LRMDA: variants seen among roughly 807,000 people sequenced by gnomAD.
The protein encoded by LRMDA is leucine rich melanocyte differentiation associated, also known as leucine-rich melanocyte differentiation-associated protein.
In LRMDA, 18 loss-of-function variants were observed where a neutral mutation model predicts 29.8. The observed-to-expected ratio is 0.60, with a 90% confidence interval of 0.42 to 0.90. The LOEUF is 0.90. Among genes scored for constraint, LRMDA ranks in the 40% least tolerant of loss-of-function variants. The pLI is 0.00. For synonymous variants in LRMDA, 125 were observed against 109.4 expected (o/e 1.14, Z -0.89); for missense variants, 273 against 273.9 (o/e 1.00, Z 0.02).
chr10:76,529,906 T>G (rs536572014), intron 6 of LRMDA, among the ~76,000 whole-genome samples: 1 of 152,228 alleles, frequency 6.6e-6, no homozygotes, highest in Non-Finnish European at 1.5e-5. Flanking sequence ...CTTGGGCCAA[T>G]AGGTTTGACT....
intron 2 of LRMDA, among the ~76,000 whole-genome samples, chr10:75,522,648 C>T (rs1228454295): frequency 6.6e-6 from 1 of 152,190 alleles, no homozygotes; most frequent in African/African-American, 2.4e-5. Context: ...GTCCCAGGAG[C>T]CCAAGTCCCA....
At chr10:75,633,824 G>T (rs1354448738) in intron 2 of LRMDA, among the ~76,000 whole-genome samples, 1 of 152,172 alleles carries the variant, frequency 6.6e-6, no homozygotes, top group African/African-American at 2.4e-5. Flanking sequence ...TTTTATAACT[G>T]GGATTACAGT....
At chr10:76,172,082 G>A (rs1850849292) in intron 5 of LRMDA, among the ~76,000 whole-genome samples, 1 of 152,046 alleles carries the variant, frequency 6.6e-6, no homozygotes, top group Non-Finnish European at 1.5e-5. Flanking sequence ...AGCAACCCAC[G>A]GCTCTCAAGG....
At chr10:76,106,557 T>A (rs997468603) in intron 5 of LRMDA, among the ~76,000 whole-genome samples, 8 of 152,106 alleles carry the variant, frequency 5.3e-5, no homozygotes, top group Non-Finnish European at 1.2e-4. Flanking sequence ...TTTGGAGGAG[T>A]CCGTCACAAG....
chr10:76,502,195 T>G (rs987729295), intron 6 of LRMDA, among the ~76,000 whole-genome samples: 27 of 151,972 alleles, frequency 1.8e-4, no homozygotes, highest in African/African-American at 6.5e-4. Context: ...TTTCTGTGTT[T>G]TCTTTTCTCT....
chr10:76,256,125 G>T (rs1852589066), intron 5 of LRMDA, among the ~76,000 whole-genome samples: 1 of 152,154 alleles, frequency 6.6e-6, no homozygotes, highest in Non-Finnish European at 1.5e-5. Flanking sequence ...TTGTTTGTTG[G>T]CTTGTCTTGG....
intron 5 of LRMDA, among the ~76,000 whole-genome samples, chr10:76,300,940 T>C (rs1336928828): frequency 3.3e-5 from 5 of 152,184 alleles, no homozygotes; most frequent in Non-Finnish European, 7.3e-5. Flanking sequence ...GCCAAGTACA[T>C]AGTACATGCT....
chr10:76,058,144 A>G (rs61862703), intron 4 of LRMDA, among the ~76,000 whole-genome samples: 1,769 of 152,350 alleles, frequency 0.012, 14 homozygotes, highest in Middle Eastern at 0.034. Context: ...GATGATGCGA[A>G]CAAAGTTCTT....
intron 2 of LRMDA, among the ~76,000 whole-genome samples, chr10:75,699,996 T>C (rs1842285032): frequency 6.6e-6 from 1 of 152,158 alleles, no homozygotes; most frequent in Non-Finnish European, 1.5e-5. Context: ...GAAGAAGGAA[T>C]GGGTTCTCTC....
chr10:76,544,185 T>C (rs1300168712), intron 6 of LRMDA, among the ~76,000 whole-genome samples: 1 of 152,176 alleles, frequency 6.6e-6, no homozygotes, highest in African/African-American at 2.4e-5. Flanking sequence ...ACGCTGTTAA[T>C]TTGTGTTGCC....
intron 2 of LRMDA, among the ~76,000 whole-genome samples, chr10:75,493,547 G>C (rs1393452555): frequency 1.3e-5 from 2 of 152,072 alleles, no homozygotes; most frequent in African/African-American, 4.8e-5. Flanking sequence ...CTAGGGAGAA[G>C]CTGTGACTGT....
intron 5 of LRMDA, among the ~76,000 whole-genome samples, chr10:76,105,077 A>G (rs544302825): frequency 6.6e-6 from 1 of 152,260 alleles, no homozygotes; most frequent in African/African-American, 2.4e-5. Flanking sequence ...ACTGTATTTA[A>G]TAATGGAAAC....
At chr10:76,067,540 A>G (rs1347512843) in intron 5 of LRMDA, among the ~76,000 whole-genome samples, 1 of 152,208 alleles carries the variant, frequency 6.6e-6, no homozygotes, top group Non-Finnish European at 1.5e-5. Context: ...AGTTATCCAT[A>G]TTTAAAACCA....
chr10:76,305,914 T>G (rs1485723249), intron 5 of LRMDA, among the ~76,000 whole-genome samples: 2 of 152,180 alleles, frequency 1.3e-5, no homozygotes, highest in East Asian at 3.8e-4. Flanking sequence ...AAAAGATTTT[T>G]GGGGGTTATT....
chr10:75,726,594 G>A (rs899322839), intron 2 of LRMDA, among the ~76,000 whole-genome samples: 9 of 152,308 alleles, frequency 5.9e-5, no homozygotes, highest in Middle Eastern at 3.4e-3. Context: ...CCCCTACTGG[G>A]AGGGAAGCAC....
chr10:75,865,352 T>G (rs966617648), intron 2 of LRMDA, among the ~76,000 whole-genome samples: 1 of 152,212 alleles, frequency 6.6e-6, no homozygotes, highest in South Asian at 2.1e-4. Context: ...TATATGCACT[T>G]GTCAAAACTG....
chr10:75,838,117 A>G (rs112918622), intron 2 of LRMDA, among the ~76,000 whole-genome samples: 10 of 152,304 alleles, frequency 6.6e-5, no homozygotes, highest in East Asian at 5.8e-4. Flanking sequence ...GAAATGTTCT[A>G]TTTTTCAAAT....
chr10:76,334,638 G>A (rs539946197), intron 6 of LRMDA, among the ~76,000 whole-genome samples: 2 of 152,268 alleles, frequency 1.3e-5, no homozygotes, highest in South Asian at 4.1e-4. Context: ...GCTGGTCTGG[G>A]GAGAGGGCTG....
chr10:75,449,038 G>A (rs896708126), intron 2 of LRMDA, among the ~76,000 whole-genome samples: 2 of 151,800 alleles, frequency 1.3e-5, no homozygotes, highest in Non-Finnish European at 2.9e-5. Flanking sequence ...TGTAATCCAA[G>A]CTACTCGGGA....
Sources: gnomAD v4.1 joint callset for allele counts (sites outside exome capture counted in the v4.1 genomes callset) on GRCh38, gnomAD v4.1.1 for gene constraint, MANE v1.5 for transcripts, NCBI Gene and HGNC (gene_info 2026-07-23, HGNC 2026-07-21) for gene names.